CBFA2T3: variants seen among roughly 807,000 people sequenced by gnomAD.
CBFA2T3 encodes transcriptional corepressor CBFA2T3.
A neutral mutation model predicts 58.6 loss-of-function variants in CBFA2T3; 31 were observed. The ratio of observed to expected loss-of-function variants is 0.53; its 90% confidence interval spans 0.40 to 0.71. The LOEUF (loss-of-function observed/expected upper bound fraction) is 0.71, where lower values mean the gene tolerates loss of function less well. Among genes scored for constraint, CBFA2T3 ranks in the 30% least tolerant of loss-of-function variants. The pLI is 0.00. For missense variants in CBFA2T3, 1,076 were observed against 963.1 expected (o/e 1.12, Z -1.55); for synonymous variants, 531 against 421.9 (o/e 1.26, Z -3.17).
chr16:88,903,379 TG>T (rs1425615138), intron 1 of CBFA2T3, among the ~76,000 whole-genome samples: 1 of 152,150 alleles, frequency 6.6e-6, no homozygotes, highest in Non-Finnish European at 1.5e-5. Flanking sequence ...CCCCCTCTGC[TG>T]GGCCTGTGGG....
Position 88,886,143 on chromosome 16 carries a change from C to A in CBFA2T3, c.712-1G>T. On this transcript the variant is annotated splice_acceptor_variant, in intron 5 of 11. Coordinates refer to ENST00000268679, the MANE Select transcript of CBFA2T3 (RefSeq NM_005187.6). LOFTEE classifies it high-confidence loss of function. ...CCCGCTGCAGCAAGGGCAGGTTTGC[C>A]TGTGGGGTGGGGAAGGAGGGCCTGG... The A allele has an allele frequency of 1.3e-6, 2 of 1,532,004 alleles. No individual in the cohort carries two copies. The highest frequency in any genetic ancestry group is 1.7e-6 in the Non-Finnish European group (2 of 1,145,420). The allele number at this position is 1,532,004 out of a possible 1,614,324, so 94.9% of individuals were successfully genotyped here.
chr16:88,959,866 A>C (rs1210186749), intron 1 of CBFA2T3, among the ~76,000 whole-genome samples: 3 of 152,028 alleles, frequency 2.0e-5, no homozygotes, highest in African/African-American at 7.3e-5. Flanking sequence ...TCTCTACTAA[A>C]AATACAAAAA....
At chr16:88,932,976 A>G (rs926209339) in intron 1 of CBFA2T3, among the ~76,000 whole-genome samples, 1 of 151,982 alleles carries the variant, frequency 6.6e-6, no homozygotes, top group Non-Finnish European at 1.5e-5. Flanking sequence ...CTGGGGGAAA[A>G]AAAGAAAGAA....
chr16:88,882,771 G>A lies in CBFA2T3; in HGVS notation c.1118-10C>T, dbSNP rs1460546528. 1.3e-6 allele frequency: 2 copies of A among 1,554,356 alleles called. No individual in the cohort carries two copies. Among genetic ancestry groups the A allele is most frequent in the African/African-American group, 1.4e-5 (1 of 74,008 alleles). On this transcript the variant is annotated splice_polypyrimidine_tract_variant and intron_variant, in intron 7 of 11. Transcript: ENST00000268679. ...CGGGACCCAGGCACCACTGTGGATGGGGGAGGTGCACGCTTAGGTCCCACC... is the reference window on the plus strand; with the variant it reads ...CGGGACCCAGGCACCACTGTGGATGAGGGAGGTGCACGCTTAGGTCCCACC...
rs1245408546 is a variant in CBFA2T3 at position 88,886,104 on chromosome 16, A to G, written c.750T>C (p.Cys250=). The change falls in exon 6 of 12, where the codon TGT becomes TGC. Residue 250 remains cysteine, a synonymous_variant. Coordinates refer to ENST00000268679, the MANE Select transcript of CBFA2T3 (RefSeq NM_005187.6). The stretch of plus-strand genomic sequence containing the variant: ...CGGGCGTCTGCTTGGCCAGGCGTGC[A>G]CAGTGCAGGAGCTCCCGCTGCAGCA... ...LPLLQRELLH[C]ARLAKQTPAQ... is the part of the protein sequence containing the mutation. The G allele has an allele frequency of 2.5e-6, 4 of 1,585,972 alleles. No individual in the cohort carries two copies. The highest frequency in any genetic ancestry group is 3.4e-6 in the Non-Finnish European group (4 of 1,173,968).
Position 88,885,310 on chromosome 16 carries a change from G to A in CBFA2T3, c.894-41C>T, listed in dbSNP as rs1461605167. The stretch of plus-strand genomic sequence containing the variant: ...GGTGGGGCGAGGGCAGTGGACATAG[G>A]ATGAACCGGGGACAGAGGTGCAGGT... On this transcript the variant is annotated intron_variant, in intron 6 of 11. Transcript: ENST00000268679. This position sits in a 1 kb window ranked among gnomAD's most constrained non-coding sequence, Gnocchi z 5.3. The A allele has an allele frequency of 2.1e-6, 3 of 1,410,316 alleles. No individual in the cohort carries two copies. Among genetic ancestry groups the A allele is most frequent in the Non-Finnish European group, 2.8e-6 (3 of 1,053,104 alleles). 87.4% of individuals were successfully genotyped at this position (1,410,316 alleles called of 1,614,324 possible). A position where few individuals can be genotyped will look rare whatever the true frequency, so the allele number is the denominator to read the frequency against.
intron 1 of CBFA2T3, among the ~76,000 whole-genome samples, chr16:88,959,664 A>T (rs1301807328): frequency 3.3e-5 from 5 of 152,240 alleles, no homozygotes; most frequent in Admixed American, 3.3e-4. Flanking sequence ...CCTTCCTCCC[A>T]GCAGCTGGGA....
chr16:88,957,191 A>G (rs1363325582), intron 1 of CBFA2T3, among the ~76,000 whole-genome samples: 6 of 151,086 alleles, frequency 4.0e-5, no homozygotes, highest in Admixed American at 6.6e-5. Context: ...CCATCGACCC[A>G]CTCCCCGGCA....
At chr16:88,879,719 T>C (rs1319187711) in intron 10 of CBFA2T3, 2 of 477,082 alleles carry the variant, frequency 4.2e-6, no homozygotes, top group Non-Finnish European at 3.8e-6. Context: ...ATCCCAGGCA[T>C]GTGTGTGCAA....
chr16:88,934,204 G>A (rs965810493), intron 1 of CBFA2T3, among the ~76,000 whole-genome samples: 10 of 151,512 alleles, frequency 6.6e-5, no homozygotes, highest in Admixed American at 2.0e-4. Flanking sequence ...CTCGGCACAC[G>A]GAGGCACCGG....
chr16:88,960,309 C>T (rs1275056040), intron 1 of CBFA2T3, among the ~76,000 whole-genome samples: 2 of 152,204 alleles, frequency 1.3e-5, no homozygotes, highest in Admixed American at 6.5e-5. Context: ...GTCACCTGCT[C>T]TGCTGAACTC....
At chr16:88,884,450 T>A (rs1287041219) in intron 7 of CBFA2T3, among the ~76,000 whole-genome samples, 1 of 152,196 alleles carries the variant, frequency 6.6e-6, no homozygotes, top group Non-Finnish European at 1.5e-5. Context: ...GCATTATGTG[T>A]GCTCTCAGGC....
chr16:88,969,124 C>T (rs887524297), intron 1 of CBFA2T3, among the ~76,000 whole-genome samples: 3 of 152,222 alleles, frequency 2.0e-5, no homozygotes, highest in Non-Finnish European at 4.4e-5. Context: ...CTCTGGGATT[C>T]GGCTGCAGCC....
intron 1 of CBFA2T3, among the ~76,000 whole-genome samples, chr16:88,916,118 A>G (rs898305301): frequency 2.7e-5 from 4 of 147,256 alleles, no homozygotes; most frequent in South Asian, 4.3e-4. Context: ...GTGTCCGTGT[A>G]TGTGTGCACT....
intron 9 of CBFA2T3, 57 bp from the exon 10 acceptor site, chr16:88,880,845 G>T: frequency 6.8e-7 from 1 of 1,472,490 alleles, no homozygotes; most frequent in Non-Finnish European, 9.3e-7. Flanking sequence ...CTCCCACGCT[G>T]GGGCCCTCCC....
At chr16:88,882,533 T>A in intron 8 of CBFA2T3, 143 bp downstream of exon 8, 1 of 640,196 alleles carries the variant, frequency 1.6e-6, no homozygotes, top group Non-Finnish European at 2.8e-6. Flanking sequence ...TGTGTGGGCA[T>A]GGCTGTGTGC....
chr16:88,926,801 G>A (rs551449348), intron 1 of CBFA2T3, among the ~76,000 whole-genome samples: 5 of 152,194 alleles, frequency 3.3e-5, no homozygotes, highest in Non-Finnish European at 5.9e-5. Flanking sequence ...CTGGTGCCTC[G>A]GTGCACCGTG....
chr16:88,944,356 AAAAG>A (rs1971848651), intron 1 of CBFA2T3, among the ~76,000 whole-genome samples: 2 of 151,326 alleles, frequency 1.3e-5, no homozygotes, highest in South Asian at 4.2e-4. Flanking sequence ...AAAAAAAAAA[AAAAG>A]GAAACCACCT....
intron 1 of CBFA2T3, among the ~76,000 whole-genome samples, chr16:88,974,129 C>T (rs537963855): frequency 6.6e-6 from 1 of 152,346 alleles, no homozygotes; most frequent in African/African-American, 2.4e-5. Context: ...GTCCCTGGCA[C>T]CCTCCTCGGG....
Sources: gnomAD v4.1 joint callset for allele counts (sites outside exome capture counted in the v4.1 genomes callset) on GRCh38, gnomAD v4.1.1 for gene constraint, Gnocchi (gnomAD v3.1) non-coding constraint, MANE v1.5 for transcripts, NCBI Gene and HGNC (gene_info 2026-07-23, HGNC 2026-07-21) for gene names.